The following SLC7A14 variants were observed in gnomAD, a reference collection of about 807,000 sequenced individuals.
SLC7A14 encodes gamma-aminobutyric acid transporter SLC7A14.
Under a neutral mutation model 60.2 loss-of-function variants are expected in SLC7A14, and 37 were observed. That is an observed-to-expected ratio of 0.61 (90% confidence interval 0.47 to 0.81). The LOEUF is 0.81. SLC7A14 is among the 30% of genes least tolerant of loss of function. SLC7A14 has a pLI of 0.00. For missense variants in SLC7A14, 886 were observed against 982.7 expected, an observed-to-expected ratio of 0.90 and a Z score of 1.32; for synonymous variants, 399 against 395.8, an observed-to-expected ratio of 1.01 and a Z score of -0.10.
intron 2 of SLC7A14, among the ~76,000 whole-genome samples, chr3:170,522,934 T>G (rs1713379432): frequency 6.6e-6 from 1 of 152,236 alleles, no homozygotes; most frequent in Non-Finnish European, 1.5e-5. Context: ...GATTTGAATG[T>G]GGGTTCTGTC....
intron 1 of SLC7A14, among the ~76,000 whole-genome samples, chr3:170,528,757 C>T (rs750634309): frequency 6.6e-6 from 1 of 152,176 alleles, no homozygotes; most frequent in East Asian, 1.9e-4. Context: ...CTGCATTCCT[C>T]CCTTCCACGT....
chr3:170,582,122 A>T (rs1342626670), intron 1 of SLC7A14, among the ~76,000 whole-genome samples: 1 of 152,038 alleles, frequency 6.6e-6, no homozygotes, highest in East Asian at 1.9e-4. Context: ...AGACATGCAC[A>T]CTCCTTCATA....
chr3:170,497,604 G>T (rs902593905), intron 4 of SLC7A14, among the ~76,000 whole-genome samples: 20 of 152,214 alleles, frequency 1.3e-4, no homozygotes, highest in African/African-American at 4.6e-4. Flanking sequence ...ACCTTAGGTT[G>T]TTCATCTGTT....
intron 5 of SLC7A14, among the ~76,000 whole-genome samples, chr3:170,485,947 G>T (rs1712013744): frequency 6.6e-6 from 1 of 152,136 alleles, no homozygotes; most frequent in Non-Finnish European, 1.5e-5. Flanking sequence ...CCCATTCCCT[G>T]CACACCAGCC....
intron 1 of SLC7A14, among the ~76,000 whole-genome samples, chr3:170,544,746 T>C (rs998155715): frequency 1.3e-5 from 2 of 152,216 alleles, no homozygotes; most frequent in Non-Finnish European, 2.9e-5. Flanking sequence ...CTGTATATTC[T>C]AACAACAACC....
At chr3:170,475,293 A>G (rs1380871044) in intron 7 of SLC7A14, among the ~76,000 whole-genome samples, 2 of 152,234 alleles carry the variant, frequency 1.3e-5, no homozygotes, top group Non-Finnish European at 2.9e-5. Flanking sequence ...TGGATAAAAA[A>G]ATGTGTCTTA....
intron 2 of SLC7A14, among the ~76,000 whole-genome samples, chr3:170,502,519 G>A (rs1196009812): frequency 2.6e-5 from 4 of 152,164 alleles, no homozygotes; most frequent in African/African-American, 7.2e-5. Flanking sequence ...ACGAGTTGGA[G>A]GTCAGACATA....
At chr3:170,516,836 C>G (rs16855201) in intron 2 of SLC7A14, among the ~76,000 whole-genome samples, 10,356 of 152,150 alleles carry the variant, frequency 0.068, 411 homozygotes, top group South Asian at 0.092. Flanking sequence ...GTCATGGTCT[C>G]TGGAAGCAGG....
Position 170,495,818 on chromosome 3 carries a change from G to A in SLC7A14, c.759+2849C>T. Reference sequence around the variant, plus strand: ...TGCTGGAGACCAAGTGGAGCCTCCTGCAGCAGCAGAAGATGGCTCGGATCA... The same window carrying A: ...TGCTGGAGACCAAGTGGAGCCTCCTACAGCAGCAGAAGATGGCTCGGATCA... On this transcript the variant is annotated intron_variant, in intron 4 of 7. Coordinates refer to ENST00000231706, the MANE Select transcript of SLC7A14 (RefSeq NM_020949.3). 7.9e-6 allele frequency: 9 copies of A among 1,133,898 alleles called. No individual in the cohort carries two copies. In the South Asian group the frequency reaches 9.8e-5, roughly 12 times the overall value. The allele number at this position is 1,133,898 out of a possible 1,614,324, so 70.2% of individuals were successfully genotyped here.
In SLC7A14 at chr3:170,526,865, G is replaced by T; in HGVS notation, c.72C>A (p.Ser24=). Residue 24 remains serine, a synonymous_variant, in exon 2 of 8, where the codon TCC becomes TCA. Coordinates refer to ENST00000231706, the MANE Select transcript of SLC7A14 (RefSeq NM_020949.3). ...CCACTGGTTTGGTGCGTAGGATCCT[G>T]GAGTGCATTGCATACCAGGCAGCTC... The part of the protein sequence containing the change: ...QWGAAWYAMH[S]RILRTKPVES... 3 of 1,614,052 alleles carry T rather than the reference G, an allele frequency of 1.9e-6. No homozygotes were observed. Among genetic ancestry groups the T allele is most frequent in the Non-Finnish European group, 2.5e-6 (3 of 1,179,986 alleles).
rs549360635 is a variant in SLC7A14 at position 170,467,240 on chromosome 3, C to A, written c.2131G>T (p.Ala711Ser). The stretch of plus-strand genomic sequence containing the variant: ...TCCTCCTGGCTCTCGCCCTCTGTGG[C>A]GTAGGAGAAACCCTCCTCCACTGAG... ...PFSVEEGFSYATEGESQEDWG... is the reference protein window; with the variant it reads ...PFSVEEGFSYSTEGESQEDWG... The change falls in exon 8 of 8, where the codon GCC (alanine) becomes TCC (serine). Residue 711 changes from alanine to serine, a missense_variant. Physicochemically the swap from Ala to Ser is moderately conservative, Grantham distance 99 (BLOSUM62 1). Transcript: ENST00000231706. The A allele has an allele frequency of 1.4e-5, 23 of 1,614,126 alleles. No individual in the cohort carries two copies. The South Asian group carries it at 2.0e-4, about 14-fold the overall frequency.
intron 1 of SLC7A14, among the ~76,000 whole-genome samples, chr3:170,540,165 A>G (rs1368286612): frequency 1.3e-5 from 2 of 152,218 alleles, no homozygotes; most frequent in Non-Finnish European, 2.9e-5. Flanking sequence ...TCAGAACAGC[A>G]TGCAATTTAA....
rs1340993987 is a variant in SLC7A14 at position 170,483,467 on chromosome 3, G to C, written c.962C>G (p.Pro321Arg). Residue 321 changes from proline to arginine, a missense_variant, in exon 6 of 8, where the codon CCA (proline) becomes CGA (arginine). Coordinates refer to ENST00000231706, the MANE Select transcript of SLC7A14 (RefSeq NM_020949.3). ...VPYYTIDTES[P>R]LMEMFVAHGF... ...ATGAGCCACAAACATCTCCATGAGT[G>C]GGGATTCCGTGTCAATGGTATAATA... is the stretch of plus-strand genomic sequence containing the variant. The C allele has an allele frequency of 6.2e-7, 1 of 1,614,172 alleles. No individual in the cohort carries two copies. Among genetic ancestry groups the C allele is most frequent in the Non-Finnish European group, 8.5e-7 (1 of 1,180,040 alleles).
chr3:170,504,769 T>G (rs149950890), intron 2 of SLC7A14, among the ~76,000 whole-genome samples: 1 of 152,118 alleles, frequency 6.6e-6, no homozygotes, highest in East Asian at 1.9e-4. Context: ...ACAGCTAAAG[T>G]CAACTCTTAA....
intron 2 of SLC7A14, among the ~76,000 whole-genome samples, chr3:170,513,005 G>C (rs1450988637): frequency 6.6e-6 from 1 of 152,194 alleles, no homozygotes; most frequent in Non-Finnish European, 1.5e-5. Context: ...AGCTGACAAA[G>C]ATGGGGGTTA....
chr3:170,540,311 G>C (rs1713981026), intron 1 of SLC7A14, among the ~76,000 whole-genome samples: 1 of 152,138 alleles, frequency 6.6e-6, no homozygotes, highest in South Asian at 2.1e-4. Flanking sequence ...TTAAAATTTA[G>C]TTAGGTTTAG....
Position 170,466,366 on chromosome 3 carries a change from T to G in SLC7A14, c.*689A>C, listed in dbSNP as rs1739723324. On this transcript the variant is annotated 3_prime_UTR_variant, in exon 8 of 8. Transcript: ENST00000231706. Reference sequence around the variant, plus strand: ...TACCGCAAGATATGGTTATTTAATTTTCTTCTGGGCATTTACATAGAGCTT... The same window carrying G: ...TACCGCAAGATATGGTTATTTAATTGTCTTCTGGGCATTTACATAGAGCTT... 1 of 152,214 alleles carries G rather than the reference T, an allele frequency of 6.6e-6. No homozygotes were observed. The highest frequency in any genetic ancestry group is 6.5e-5 in the Admixed American group (1 of 15,282). The allele number at this position is 152,214 out of a possible 1,614,324, so 9.4% of individuals were successfully genotyped here.
At chr3:170,471,735 A>T (rs1434484636) in intron 7 of SLC7A14, among the ~76,000 whole-genome samples, 1 of 152,190 alleles carries the variant, frequency 6.6e-6, no homozygotes. Context: ...TTGAGGGTGG[A>T]TTTGATTTTG....
rs559892682 is a variant in SLC7A14 at position 170,538,850 on chromosome 3, C to T, written c.-152-11762G>A. 1.2e-4 allele frequency among the ~76,000 whole-genome samples: 19 copies of T among 152,354 alleles called. No individual in the cohort carries two copies. In the South Asian group the frequency reaches 3.9e-3, roughly 32 times the overall value. ...AGATTCCCACTTCTTAGCTCCTCTT[C>T]CTGTTTTCCTCACCTTTTTCTCTGA... is the stretch of plus-strand genomic sequence containing the variant. On this transcript the variant is annotated intron_variant, in intron 1 of 7. Transcript: ENST00000231706.
Sources: gnomAD v4.1 joint callset for allele counts (sites outside exome capture counted in the v4.1 genomes callset) on GRCh38, gnomAD v4.1.1 for gene constraint, MANE v1.5 for transcripts, NCBI Gene and HGNC (gene_info 2026-07-23, HGNC 2026-07-21) for gene names.